UTS2: variants seen among roughly 807,000 people sequenced by gnomAD.
UTS2 encodes urotensin 2.
In UTS2, 10 loss-of-function variants were observed where a neutral mutation model predicts 12.6. The ratio of observed to expected loss-of-function variants is 0.80; its 90% CI spans 0.49 to 1.35. UTS2 has a LOEUF of 1.35. Ranked by LOEUF, UTS2 falls within the 40% of genes most tolerant of loss-of-function variation. The pLI, the probability that UTS2 is intolerant of heterozygous loss-of-function variation, is 0.00. For missense variants in UTS2, 142 were observed against 143.2 expected (o/e 0.99, Z 0.04); for synonymous variants, 52 against 50.0 (o/e 1.04, Z -0.17).
At chr1:7,862,015 C>T in the UTS2 span, among the ~76,000 whole-genome samples, 4 of 151,540 alleles carry the variant, frequency 2.6e-5, no homozygotes, top group East Asian at 1.9e-4. Context: ...CTGGTTCAAG[C>T]GATTCTCCTG....
the UTS2 span, among the ~76,000 whole-genome samples, chr1:7,876,127 T>C: frequency 2.6e-5 from 4 of 152,180 alleles, no homozygotes. Flanking sequence ...GCCCCCCTGC[T>C]GCCACCAGCA....
the UTS2 span, among the ~76,000 whole-genome samples, chr1:7,866,261 G>A: frequency 6.6e-6 from 1 of 152,210 alleles, no homozygotes; most frequent in East Asian, 1.9e-4. This position sits in a 1 kb window ranked among gnomAD's most constrained non-coding sequence, Gnocchi z 4.5. Context: ...GCAGCTGAAA[G>A]TAGGCAGGGA....
At chr1:7,895,580 A>G in the UTS2 span, among the ~76,000 whole-genome samples, 1 of 152,188 alleles carries the variant, frequency 6.6e-6, no homozygotes, top group East Asian at 1.9e-4. Context: ...TAAATTGTCA[A>G]TTATTAATTG....
At chr1:7,860,272 T>C in the UTS2 span, among the ~76,000 whole-genome samples, 1 of 152,128 alleles carries the variant, frequency 6.6e-6, no homozygotes. Context: ...CAGCGTAGGC[T>C]TGCAGGAAAC....
the UTS2 span, among the ~76,000 whole-genome samples, chr1:7,878,301 G>A: frequency 6.6e-6 from 1 of 152,228 alleles, no homozygotes; most frequent in Non-Finnish European, 1.5e-5. Context: ...ACATCTGGAA[G>A]TGAAAGGATG....
chr1:7,905,077 T>C, the UTS2 span, among the ~76,000 whole-genome samples: 1 of 152,028 alleles, frequency 6.6e-6, no homozygotes, highest in South Asian at 2.1e-4. Flanking sequence ...ACACAGTTTT[T>C]GGTCAAACAT....
chr1:7,875,451 G>A, the UTS2 span, among the ~76,000 whole-genome samples: 1 of 152,116 alleles, frequency 6.6e-6, no homozygotes, highest in Admixed American at 6.5e-5. Flanking sequence ...CCTGGGGACC[G>A]GCTTGCCTGG....
chr1:7,873,773 A>G, the UTS2 span, among the ~76,000 whole-genome samples: 1 of 152,166 alleles, frequency 6.6e-6, no homozygotes, highest in East Asian at 1.9e-4. Context: ...CCGTAAACTT[A>G]CTTGATAAAG....
chr1:7,876,486 G>A, the UTS2 span, among the ~76,000 whole-genome samples: 2 of 152,282 alleles, frequency 1.3e-5, no homozygotes, highest in Admixed American at 6.5e-5. Context: ...TATCATCAAT[G>A]CTATGCAACC....
chr1:7,871,171 A>C, the UTS2 span, among the ~76,000 whole-genome samples: 1 of 152,232 alleles, frequency 6.6e-6, no homozygotes, highest in Non-Finnish European at 1.5e-5. Context: ...ACAAAATTGC[A>C]GGCAGAGTGG....
At chr1:7,904,317 A>T in the UTS2 span, among the ~76,000 whole-genome samples, 13 of 147,130 alleles carry the variant, frequency 8.8e-5, no homozygotes, top group East Asian at 3.9e-4. Context: ...AATAAAAAAA[A>T]AAAAAAATAA....
the UTS2 span, among the ~76,000 whole-genome samples, chr1:7,899,026 TG>T: frequency 6.6e-6 from 1 of 152,070 alleles, no homozygotes; most frequent in South Asian, 2.1e-4. Flanking sequence ...CTTACAATCA[TG>T]ACAGAAGGTG....
the UTS2 span, among the ~76,000 whole-genome samples, chr1:7,885,637 G>C: frequency 6.6e-6 from 1 of 152,058 alleles, no homozygotes; most frequent in African/African-American, 2.4e-5. Flanking sequence ...GCGGGGTCTG[G>C]CAAGGTGAAG....
chr1:7,857,336 C>T (rs1201393863), upstream of UTS2, among the ~76,000 whole-genome samples: 1 of 152,096 alleles, frequency 6.6e-6, no homozygotes, highest in Non-Finnish European at 1.5e-5. Context: ...GTAATTCAAC[C>T]TTTTGGCCTC....
the UTS2 span, among the ~76,000 whole-genome samples, chr1:7,879,296 A>G: frequency 2.0e-5 from 3 of 152,202 alleles, no homozygotes; most frequent in South Asian, 2.1e-4. Context: ...AAAAGTCAAA[A>G]TCATATCAAG....
the UTS2 span, among the ~76,000 whole-genome samples, chr1:7,880,362 C>A: frequency 8.1e-6 from 1 of 124,074 alleles, no homozygotes; most frequent in Admixed American, 1.1e-4. Flanking sequence ...CGAAATGTGA[C>A]TTTTTGAAAA....
chr1:7,855,816 G>A (rs986118956), upstream of UTS2, among the ~76,000 whole-genome samples: 2 of 151,556 alleles, frequency 1.3e-5, no homozygotes, highest in Non-Finnish European at 2.9e-5. Context: ...ATTCTACCTT[G>A]GCCTTCCAAA....
At chr1:7,906,428 G>GAAGA in the UTS2 span, among the ~76,000 whole-genome samples, 7 of 34,414 alleles carry the variant, frequency 2.0e-4, no homozygotes. Context: ...AGAAAGAAAG[G>GAAGA]AAGAAAGAAA....
the UTS2 span, among the ~76,000 whole-genome samples, chr1:7,898,561 T>C: frequency 0.23 from 35,263 of 151,722 alleles, 5,166 homozygotes; most frequent in East Asian, 0.66. Context: ...CTGCAAGCTC[T>C]GCCTCCCAGG....
Sources: gnomAD v4.1 joint callset for allele counts (sites outside exome capture counted in the v4.1 genomes callset) on GRCh38, gnomAD v4.1.1 for gene constraint, Gnocchi (gnomAD v3.1) non-coding constraint, MANE v1.5 for transcripts, NCBI Gene and HGNC (gene_info 2026-07-23, HGNC 2026-07-21) for gene names.